The following ZPR1 variants were observed in gnomAD, a reference collection of about 807,000 sequenced individuals.
ZPR1 encodes the protein ZPR1 zinc finger.
A neutral mutation model predicts 59.6 loss-of-function variants in ZPR1; 37 were observed. The observed-to-expected ratio is 0.62, with a 90% CI of 0.48 to 0.82. ZPR1 has a LOEUF of 0.82. Among genes scored for constraint, ZPR1 ranks in the 40% least tolerant of loss-of-function variants. The pLI is 0.00. For synonymous variants in ZPR1, 191 were observed against 215.2 expected (o/e 0.89, Z 0.99); for missense variants, 527 against 579.9 (o/e 0.91, Z 0.94).
At chr11:116,786,463 A>G (rs919589431) in intron 4 of ZPR1, 48 bp downstream of exon 4, 4 of 1,609,626 alleles carry the variant, frequency 2.5e-6, no homozygotes, top group Non-Finnish European at 3.4e-6. Context: ...GACACTCTAT[A>G]TAAGCAATTA....
Position 116,778,775 on chromosome 11 carries a change from G to A in ZPR1, c.*150C>T, listed in dbSNP as rs1940756133. On this transcript the variant is annotated 3_prime_UTR_variant, in exon 14 of 14. Transcript: ENST00000227322. Reference sequence around the variant, plus strand: ...TTGCATCACAAGCTGTTTAGAAAGTGTGCACAGATCTCTGACTCAGACCAG... The same window carrying A: ...TTGCATCACAAGCTGTTTAGAAAGTATGCACAGATCTCTGACTCAGACCAG... 2 of 960,326 alleles carry A rather than the reference G, an allele frequency of 2.1e-6. No individual in the cohort carries two copies. Among genetic ancestry groups the A allele is most frequent in the Non-Finnish European group, 3.0e-6 (2 of 664,544 alleles). The allele number at this position is 960,326 out of a possible 1,614,324, so 59.5% of individuals were successfully genotyped here.
At chr11:116,786,735 T>C (rs532925281) in intron 3 of ZPR1, among the ~76,000 whole-genome samples, 154 bp from the exon 4 acceptor site, 2 of 152,224 alleles carry the variant, frequency 1.3e-5, no homozygotes, top group Non-Finnish European at 2.9e-5. Flanking sequence ...TCATGTCTGA[T>C]AATAGTGATG....
chr11:116,780,095 A>T (rs1010494081), intron 12 of ZPR1, among the ~76,000 whole-genome samples: 3 of 150,922 alleles, frequency 2.0e-5, no homozygotes, highest in African/African-American at 7.3e-5. Context: ...GTAAAGAAAA[A>T]TTTTTAAAAA....
chr11:116,783,126 GA>G, intron 10 of ZPR1, 97 bp from the exon 11 acceptor site: 1 of 862,652 alleles, frequency 1.2e-6, no homozygotes, highest in Non-Finnish European at 1.9e-6. Flanking sequence ...ATAGACTGCG[GA>G]CAAGGGCAGC....
intron 12 of ZPR1, among the ~76,000 whole-genome samples, chr11:116,781,405 G>A (rs1940802975): frequency 6.6e-6 from 1 of 152,106 alleles, no homozygotes; most frequent in African/African-American, 2.4e-5. Flanking sequence ...CACAAGACTA[G>A]GTCACATATA....
chr11:116,781,830 G>A (rs1940810333), intron 12 of ZPR1, among the ~76,000 whole-genome samples: 2 of 152,164 alleles, frequency 1.3e-5, no homozygotes, highest in South Asian at 2.1e-4. Flanking sequence ...GGCCAACATA[G>A]TGAAACCCTG....
At chr11:116,785,775 C>T in intron 5 of ZPR1, 21 bp downstream of exon 5, 1 of 1,613,514 alleles carries the variant, frequency 6.2e-7, no homozygotes, top group Non-Finnish European at 8.5e-7. Context: ...TCAAGGGCAA[C>T]TCCAGCCTCT....
Position 116,783,544 on chromosome 11 carries a change from T to C in ZPR1, c.967A>G (p.Arg323Gly). 6.2e-7 allele frequency: 1 copy of C among 1,614,070 alleles called. No individual in the cohort carries two copies. The highest frequency in any genetic ancestry group is 1.3e-5 in the African/African-American group (1 of 75,040). ...CAGACTGTTACCTTGAGGAGGTCTCTGGTCATATCTGAGGCATCTGTGATG... is the reference window on the plus strand; with the variant it reads ...CAGACTGTTACCTTGAGGAGGTCTCCGGTCATATCTGAGGCATCTGTGATG... ...LHITDASDMTRDLLKSETCSV... is the reference protein window; with the variant it reads ...LHITDASDMTGDLLKSETCSV... The change falls in exon 10 of 14, where the codon AGA becomes GGA. Residue 323 changes from arginine (R) to glycine (G), a missense_variant. Coordinates refer to ENST00000227322, the MANE Select transcript of ZPR1 (RefSeq NM_003904.5).
In ZPR1 at chr11:116,781,213, G is replaced by GA. The variant is rs139753514; in HGVS notation, c.1179+944dup. On this transcript the variant is annotated intron_variant, in intron 12 of 13. Transcript: ENST00000227322. ...AACCCAGGAGTTTTCAGAAAGAACA[G>GA]AAAAAAAAAATCAGAAAAAAGATAA... 1.8e-4 allele frequency among the ~76,000 whole-genome samples: 26 copies of GA among 148,504 alleles called. No homozygotes were observed. The South Asian group carries it at 2.8e-3, about 16-fold the overall frequency.
At position 116,787,531 on chromosome 11, in the gene ZPR1, C is replaced by T; in HGVS notation, c.284G>A (p.Arg95Lys). 1 of 1,614,218 alleles carries T rather than the reference C, an allele frequency of 6.2e-7. No homozygotes were observed. The highest frequency in any genetic ancestry group is 8.5e-7 in the Non-Finnish European group (1 of 1,180,028). Residue 95 changes from arginine to lysine, a missense_variant, in exon 2 of 14, where the codon AGG (arginine) becomes AAG (lysine). Transcript: ENST00000227322. ...WNNTEIQSAG[R>K]IQDQGVRYTL... ...GTAGCGCACTCCCTGGTCCTGGATCCTGCCTGCCGACTGGATCTCCGTGTT... is the reference window on the plus strand; with the variant it reads ...GTAGCGCACTCCCTGGTCCTGGATCTTGCCTGCCGACTGGATCTCCGTGTT...
chr11:116,786,055 G>A (rs991262423), intron 4 of ZPR1, among the ~76,000 whole-genome samples, 173 bp from the exon 5 acceptor site: 1 of 152,172 alleles, frequency 6.6e-6, no homozygotes, highest in Non-Finnish European at 1.5e-5. Context: ...GTTGACGGGT[G>A]GTGACAGGTG....
Position 116,784,438 on chromosome 11 carries a change from G to A in ZPR1, c.831C>T (p.His277=), listed in dbSNP as rs1156615866. The part of the protein sequence containing the change: ...QTNMKLVQIP[H]FKEVIIMATN... Reference sequence around the variant, plus strand: ...TAGCCATGATGATAACCTCCTTAAAGTGAGGGATTTCTGGAAAACGGAGTT... The same window carrying A: ...TAGCCATGATGATAACCTCCTTAAAATGAGGGATTTCTGGAAAACGGAGTT... The change falls in exon 9 of 14, where the codon CAC becomes CAT. Residue 277 remains histidine (H), a synonymous_variant. Coordinates refer to ENST00000227322, the MANE Select transcript of ZPR1 (RefSeq NM_003904.5). 1.2e-6 allele frequency: 2 copies of A among 1,614,036 alleles called. No individual in the cohort carries two copies. The highest frequency in any genetic ancestry group is 8.5e-7 in the Non-Finnish European group (1 of 1,180,016).
intron 10 of ZPR1, 39 bp downstream of exon 10, chr11:116,783,491 T>G: frequency 6.5e-7 from 1 of 1,540,870 alleles, no homozygotes; most frequent in East Asian, 2.2e-5. Flanking sequence ...TTTATCTAAC[T>G]TATGAGGACA....
chr11:116,784,538 T>G (rs760330673), intron 8 of ZPR1, 90 bp from the exon 9 acceptor site: 21 of 1,257,248 alleles, frequency 1.7e-5, no homozygotes, highest in East Asian at 6.9e-5. Flanking sequence ...AAACATATGC[T>G]GGTCCCAGAA....
intron 11 of ZPR1, 108 bp from the exon 12 acceptor site, chr11:116,782,352 G>T: frequency 1.1e-6 from 1 of 929,700 alleles, no homozygotes. Flanking sequence ...GGGAAACTTG[G>T]TTTCCATTTA....
intron 1 of ZPR1, 73 bp from the exon 2 acceptor site, chr11:116,787,716 C>G: frequency 6.5e-7 from 1 of 1,547,920 alleles, no homozygotes; most frequent in Non-Finnish European, 8.7e-7. Flanking sequence ...TCTCCGGGCG[C>G]TCCTCGGGGT....
Position 116,778,850 on chromosome 11 carries a change from T to TTTATTAGTATTGGA in ZPR1, c.*74_*75insTCCAATACTAATAA. The TTTATTAGTATTGGA allele has an allele frequency of 6.5e-7, 1 of 1,548,450 alleles. No individual in the cohort carries two copies. On this transcript the variant is annotated 3_prime_UTR_variant, in exon 14 of 14. Coordinates refer to ENST00000227322, the MANE Select transcript of ZPR1 (RefSeq NM_003904.5). ...GCTGGTGGGAAAGACACTCCCAGCCTTCGCCTTCATCCAATACTAATAAAT... is the reference window on the plus strand; with the variant it reads ...GCTGGTGGGAAAGACACTCCCAGCCTTTATTAGTATTGGATCGCCTTCATCCAATACTAATAAAT...
At chr11:116,786,890 GCAC>G in intron 3 of ZPR1, 76 bp downstream of exon 3, 3 of 1,138,156 alleles carry the variant, frequency 2.6e-6, no homozygotes, top group Non-Finnish European at 4.0e-6. Context: ...ACTAGACCTG[GCAC>G]CAGGGGGTTT....
rs924659971 is a variant in ZPR1 at position 116,773,992 on chromosome 11, G to A, written c.*4933C>T. ...ATGACTCTAGGGAGTAGAGGCTAGC[G>A]AAGTGGGGTGCAAGAGGTCATCCAA... On this transcript the variant is annotated 3_prime_UTR_variant, in exon 14 of 14. Transcript: ENST00000227322. 2.0e-5 allele frequency: 3 copies of A among 152,180 alleles called. No homozygotes were observed. Among genetic ancestry groups the A allele is most frequent in the African/African-American group, 7.2e-5 (3 of 41,438 alleles). 9.4% of individuals were successfully genotyped at this position (152,180 alleles called of 1,614,324 possible).
Sources: gnomAD v4.1 joint callset for allele counts (sites outside exome capture counted in the v4.1 genomes callset) on GRCh38, gnomAD v4.1.1 for gene constraint, MANE v1.5 for transcripts, NCBI Gene and HGNC (gene_info 2026-07-23, HGNC 2026-07-21) for gene names.